The following TENM3 variants were observed in gnomAD, a reference collection of about 807,000 sequenced individuals.
The protein encoded by TENM3 is teneurin transmembrane protein 3.
In TENM3, 63 loss-of-function variants were observed where a neutral mutation model predicts 255.1. That is an observed-to-expected ratio of 0.25 (90% CI 0.20 to 0.30). The LOEUF (loss-of-function observed/expected upper bound fraction) is 0.30, where lower values mean the gene tolerates loss of function less well. Ranked by LOEUF, TENM3 falls within the 10% of genes least tolerant of loss-of-function variation. TENM3 has a pLI of 1.00. For synonymous variants in TENM3, 1,306 were observed against 1,322.3 expected, an observed-to-expected ratio of 0.99 and a Z score of 0.27; for missense variants, 2,929 against 3,461.1, an observed-to-expected ratio of 0.85 and a Z score of 3.86.
At chr4:182,171,979 CTTATG>C (rs540108448) in intron 1 of TENM3, among the ~76,000 whole-genome samples, 21 of 149,976 alleles carry the variant, frequency 1.4e-4, no homozygotes, top group Non-Finnish European at 3.0e-4. Flanking sequence ...CAAAAGAGGT[CTTATG>C]TTATGATCAT....
the TENM3 span, among the ~76,000 whole-genome samples, chr4:181,981,160 AAATCTTTTCATGAACT>A: frequency 6.6e-6 from 1 of 152,074 alleles, no homozygotes; most frequent in Non-Finnish European, 1.5e-5. Context: ...ATCGAGTCCC[AAATCTTTTCATGAACT>A]ATTCTTTTAT....
At chr4:181,455,945 G>T in the TENM3 span, among the ~76,000 whole-genome samples, 2 of 151,794 alleles carry the variant, frequency 1.3e-5, no homozygotes, top group African/African-American at 2.4e-5. Flanking sequence ...GAAGGGCAAA[G>T]GTAGCCAGCT....
At chr4:182,456,841 A>G (rs1388449537) in intron 3 of TENM3, among the ~76,000 whole-genome samples, 1 of 152,154 alleles carries the variant, frequency 6.6e-6, no homozygotes, top group Non-Finnish European at 1.5e-5. Flanking sequence ...AGAGGAAAAG[A>G]AACTCCGTAT....
intron 3 of TENM3, among the ~76,000 whole-genome samples, chr4:182,467,091 C>T (rs1347688235): frequency 2.0e-5 from 3 of 151,898 alleles, no homozygotes; most frequent in Non-Finnish European, 4.4e-5. Context: ...TTTTTTATTT[C>T]AGAATTTTAA....
the TENM3 span, among the ~76,000 whole-genome samples, chr4:181,510,184 A>G: frequency 1.3e-4 from 20 of 152,198 alleles, no homozygotes; most frequent in Admixed American, 5.9e-4. Flanking sequence ...AAGTTAGACC[A>G]TATTTATTGG....
chr4:182,754,854 G>A lies in TENM3; in HGVS notation c.4487G>A (p.Arg1496Gln), dbSNP rs560899919. The change falls in exon 22 of 28, where the codon CGG (arginine) becomes CAG (glutamine). Residue 1496 changes from arginine (R) to glutamine (Q), a missense_variant. This residue lies in a region of TENM3 where 1,608 missense variants were observed against 1,884.4 expected (regional missense o/e 0.85). Coordinates refer to ENST00000511685, the MANE Select transcript of TENM3 (RefSeq NM_001080477.4). The surrounding 1 kb of genome is among the most constrained non-coding windows in gnomAD (Gnocchi z 5.1). ...YIADLGNIRI[R>Q]AVSKNKPLLN... is the part of the protein sequence containing the mutation. ...GCAGATCTAGGGAATATCCGGATCC[G>A]GGCTGTGTCAAAGAATAAGCCTTTA... 8.7e-6 allele frequency: 14 copies of A among 1,613,960 alleles called. No individual in the cohort carries two copies. Among genetic ancestry groups the A allele is most frequent in the South Asian group, 7.7e-5 (7 of 91,074 alleles).
chr4:182,767,362 T>C (rs984074931), intron 22 of TENM3, among the ~76,000 whole-genome samples: 17 of 152,198 alleles, frequency 1.1e-4, no homozygotes, highest in African/African-American at 4.1e-4. Context: ...TGTTTAGTCA[T>C]GACGGGGTTA....
At chr4:182,602,513 T>G (rs949429431) in intron 4 of TENM3, among the ~76,000 whole-genome samples, 21 of 152,222 alleles carry the variant, frequency 1.4e-4, no homozygotes, top group Non-Finnish European at 2.4e-4. Flanking sequence ...ACAATGAAAG[T>G]CTTTCTGTGT....
At chr4:182,457,055 T>C (rs559602053) in intron 3 of TENM3, among the ~76,000 whole-genome samples, 3 of 151,642 alleles carry the variant, frequency 2.0e-5, no homozygotes, top group African/African-American at 4.9e-5. Flanking sequence ...CGTGGTGACA[T>C]GCGCCTGTAA....
At chr4:181,571,784 T>A in the TENM3 span, among the ~76,000 whole-genome samples, 2 of 152,246 alleles carry the variant, frequency 1.3e-5, no homozygotes, top group African/African-American at 4.8e-5. Flanking sequence ...TCTGTTTTTA[T>A]TAGGCATAAC....
At chr4:182,542,010 C>T (rs1281176903) in intron 3 of TENM3, among the ~76,000 whole-genome samples, 1 of 152,136 alleles carries the variant, frequency 6.6e-6, no homozygotes, top group Non-Finnish European at 1.5e-5. Context: ...CCTCAGTGAG[C>T]TATGATCATG....
chr4:181,804,660 G>A, the TENM3 span, among the ~76,000 whole-genome samples: 11 of 152,156 alleles, frequency 7.2e-5, no homozygotes, highest in African/African-American at 2.7e-4. Flanking sequence ...AGAGTGTTGG[G>A]TGTAGTCACA....
intron 12 of TENM3, among the ~76,000 whole-genome samples, chr4:182,695,440 G>A (rs1757327272): frequency 6.6e-6 from 1 of 152,126 alleles, no homozygotes; most frequent in South Asian, 2.1e-4. Context: ...CCTTGTGCAG[G>A]GTGGCATTGG....
chr4:182,213,471 TAA>T (rs1443853894), intron 1 of TENM3, among the ~76,000 whole-genome samples: 1 of 152,192 alleles, frequency 6.6e-6, no homozygotes, highest in Non-Finnish European at 1.5e-5. Flanking sequence ...GTAAAGAAAT[TAA>T]GATAGCCTTT....
the TENM3 span, among the ~76,000 whole-genome samples, chr4:181,545,381 C>A: frequency 6.6e-6 from 1 of 152,050 alleles, no homozygotes; most frequent in Non-Finnish European, 1.5e-5. Context: ...AGTAAGAGGA[C>A]AGATAAAACA....
chr4:181,875,354 T>C, the TENM3 span, among the ~76,000 whole-genome samples: 1 of 152,140 alleles, frequency 6.6e-6, no homozygotes, highest in Non-Finnish European at 1.5e-5. Flanking sequence ...CCTTCATTAT[T>C]CATTAGTTTT....
the TENM3 span, among the ~76,000 whole-genome samples, chr4:181,940,031 G>A: frequency 2.0e-5 from 3 of 152,138 alleles, no homozygotes; most frequent in Admixed American, 2.0e-4. Flanking sequence ...TTATGCACAT[G>A]TTCTTTATGT....
the TENM3 span, among the ~76,000 whole-genome samples, chr4:181,476,945 G>A: frequency 2.0e-5 from 3 of 152,142 alleles, no homozygotes; most frequent in Non-Finnish European, 4.4e-5. Flanking sequence ...CCACACCTGT[G>A]TTATCACATT....
chr4:181,669,473 A>T, the TENM3 span, among the ~76,000 whole-genome samples: 290 of 152,116 alleles, frequency 1.9e-3, no homozygotes, highest in Non-Finnish European at 3.4e-3. Flanking sequence ...CCCCCATGTC[A>T]TACAGCTTAT....
Sources: allele counts gnomAD v4.1 joint callset (sites outside exome capture counted in the v4.1 genomes callset), GRCh38; gene constraint gnomAD v4.1.1; regional missense constraint gnomAD v4.1.1; non-coding constraint Gnocchi (gnomAD v3.1); transcripts MANE v1.5; gene names NCBI Gene and HGNC (gene_info 2026-07-23, HGNC 2026-07-21).